The following HERC2 variants were observed in gnomAD, a reference collection of about 807,000 sequenced individuals.
The protein encoded by HERC2 is E3 ubiquitin-protein ligase HERC2.
HERC2 carries 102 observed loss-of-function variants against 537.7 expected under a neutral mutation model. The observed-to-expected ratio is 0.19, with a 90% confidence interval of 0.16 to 0.22. HERC2 has a LOEUF of 0.22. Ranked by LOEUF, HERC2 falls within the 10% of genes least tolerant of loss-of-function variation. The pLI, the probability that HERC2 is intolerant of heterozygous loss-of-function variation, is 1.00. For synonymous variants in HERC2, 2,224 were observed against 2,466.2 expected (o/e 0.90, Z 2.91); for missense variants, 4,236 against 6,198.2 (o/e 0.68, Z 10.63).
In HERC2 at chr15:28,248,588, G is replaced by A; in HGVS notation, c.3199C>T (p.Pro1067Ser). The A allele has an allele frequency of 6.2e-7, 1 of 1,613,902 alleles. No homozygotes were observed. Among genetic ancestry groups the A allele is most frequent in the Non-Finnish European group, 8.5e-7 (1 of 1,179,872 alleles). ...FQRLLISKLY[P>S]GESIGQTSDI... ...GAGGTCTGACCAATACTTTCTCCTG[G>A]ATAAAGTTTACTAATAAGCAAACGT... Residue 1067 changes from proline to serine, a missense_variant, in exon 21 of 93, where the codon CCA becomes TCA. Around this residue, in one of 27 missense-constraint regions of HERC2, gnomAD observed 754 missense variants for 1,085.0 expected, o/e 0.69. Transcript: ENST00000261609.
In HERC2 at chr15:28,280,634, G is replaced by T. The variant is rs373246500; in HGVS notation, c.323-347C>A. On this transcript the variant is annotated intron_variant, in intron 4 of 92. Coordinates refer to ENST00000261609, the MANE Select transcript of HERC2 (RefSeq NM_004667.6). Reference sequence around the variant, plus strand: ...ATACAAAAGAAGTTGGCCGGGCACAGTGGCTCACACCTGGAATCCCAGCAC... The same window carrying T: ...ATACAAAAGAAGTTGGCCGGGCACATTGGCTCACACCTGGAATCCCAGCAC... 7.9e-5 allele frequency among the ~76,000 whole-genome samples: 12 copies of T among 152,310 alleles called. No individual in the cohort carries two copies. The East Asian group carries it at 1.9e-3, about 25-fold the overall frequency.
intron 52 of HERC2, among the ~76,000 whole-genome samples, chr15:28,193,669 G>A (rs938216867): frequency 6.6e-6 from 1 of 152,042 alleles, no homozygotes; most frequent in African/African-American, 2.4e-5. Context: ...ACCTGTGCAA[G>A]ATGAAAACAA....
Position 28,122,473 on chromosome 15 carries a change from C to T in HERC2, c.13189-1044G>A, listed in dbSNP as rs1012672949. Reference sequence around the variant, plus strand: ...GAAGGCAGGAGGTGAGGGCCCCAAGCGCCAGAGGAGACCCAGAAAGGGTAT... The same window carrying T: ...GAAGGCAGGAGGTGAGGGCCCCAAGTGCCAGAGGAGACCCAGAAAGGGTAT... On this transcript the variant is annotated intron_variant, in intron 85 of 92. Coordinates refer to ENST00000261609, the MANE Select transcript of HERC2 (RefSeq NM_004667.6). This position sits in a 1 kb window ranked among gnomAD's most constrained non-coding sequence, Gnocchi z 4.1. Among the ~76,000 whole-genome samples, 5 of 152,158 alleles carry T rather than the reference C, an allele frequency of 3.3e-5. No individual in the cohort carries two copies. The highest frequency in any genetic ancestry group is 9.7e-5 in the African/African-American group (4 of 41,444).
chr15:28,160,624 CT>C (rs1893495175), intron 69 of HERC2, among the ~76,000 whole-genome samples: 1 of 152,222 alleles, frequency 6.6e-6, no homozygotes, highest in South Asian at 2.1e-4. Context: ...TTCCAGGTGC[CT>C]TCTGTCACAG....
Position 28,279,981 on chromosome 15 carries a change from T to C in HERC2, c.542+87A>G, listed in dbSNP as rs950758692. On this transcript the variant is annotated intron_variant, in intron 5 of 92. Transcript: ENST00000261609. The stretch of plus-strand genomic sequence containing the variant: ...AATTTCAGAAGGTGAAGACAGCCTA[T>C]ATTGAAAACCTTAAACTTTCTGAAA... The C allele has an allele frequency of 8.2e-6, 8 of 977,196 alleles. No homozygotes were observed. The African/African-American group carries it at 1.1e-4, about 14-fold the overall frequency. The allele number at this position is 977,196 out of a possible 1,614,324, so 60.5% of individuals were successfully genotyped here. A position where few individuals can be genotyped will look rare whatever the true frequency, so the allele number is the denominator to read the frequency against.
Position 28,116,676 on chromosome 15 carries a change from A to T in HERC2, c.13598T>A (p.Phe4533Tyr). The T allele has an allele frequency of 6.2e-7, 1 of 1,609,100 alleles. No homozygotes were observed. The highest frequency in any genetic ancestry group is 8.5e-7 in the Non-Finnish European group (1 of 1,177,048). The stretch of plus-strand genomic sequence containing the variant: ...GCCGAGAAGCTCACCCAGGAAGCGG[A>T]ACATGCTGCTGTGCACGGGTGCTCT... Reference protein sequence around the residue: ...AARAPVHSSMFRFLGVLLGIA... With the variant: ...AARAPVHSSMYRFLGVLLGIA... The change falls in exon 88 of 93, where the codon TTC (phenylalanine) becomes TAC (tyrosine). Residue 4533 changes from phenylalanine to tyrosine, a missense_variant. Coordinates refer to ENST00000261609, the MANE Select transcript of HERC2 (RefSeq NM_004667.6).
chr15:28,260,166 C>T (rs907577989), intron 16 of HERC2, among the ~76,000 whole-genome samples: 1 of 149,636 alleles, frequency 6.7e-6, no homozygotes, highest in African/African-American at 2.5e-5. Context: ...ATAGTGAAAC[C>T]GTATCTCCAA....
In HERC2 at chr15:28,122,392, T is replaced by C. The variant is rs1889017113; in HGVS notation, c.13189-963A>G. Among the ~76,000 whole-genome samples the C allele has an allele frequency of 1.3e-5, 2 of 151,998 alleles. 1 individual carries two copies. The highest frequency in any genetic ancestry group is 4.1e-4 in the South Asian group (2 of 4,822). On this transcript the variant is annotated intron_variant, in intron 85 of 92. Transcript: ENST00000261609. The surrounding 1 kb of genome is among the most constrained non-coding windows in gnomAD (Gnocchi z 4.1). ...GGGGTGGGCTGTGGGAGCACAAGGG[T>C]CCCTCAGTGGAGGCTGAGCCCTTGC...
intron 55 of HERC2, among the ~76,000 whole-genome samples, chr15:28,189,323 C>A (rs765446524): frequency 9.2e-5 from 14 of 152,064 alleles, no homozygotes; most frequent in Admixed American, 2.6e-4. Flanking sequence ...TTAAAGATAT[C>A]TTTTACGAAT....
rs530420618 is a variant in HERC2, at chr15:28,203,702, G to A, written c.7213-1088C>T. The A allele has an allele frequency of 3.7e-4, 56 of 152,184 alleles. 1 individual carries two copies. Among genetic ancestry groups the A allele is most frequent in the African/African-American group, 1.3e-3 (55 of 41,410 alleles). The allele number at this position is 152,184 out of a possible 1,614,324, so 9.4% of individuals were successfully genotyped here. On this transcript the variant is annotated intron_variant, in intron 45 of 92. Transcript: ENST00000261609. ...CAGGGGCTGGGGTCCCGGCCTGGCA[G>A]AGTAACCAGAATGCGAGGGAAAGCC...
intron 4 of HERC2, among the ~76,000 whole-genome samples, chr15:28,290,300 C>T (rs1387644481): frequency 6.6e-6 from 1 of 152,022 alleles, no homozygotes; most frequent in East Asian, 1.9e-4. Context: ...CAGCAAAACA[C>T]ACTTTTTTTT....
At position 28,292,906 on chromosome 15, in the gene HERC2, C is replaced by T. The variant is rs750404031; in HGVS notation, c.304G>A (p.Val102Ile). The change falls in exon 4 of 93, where the codon GTA (valine) becomes ATA (isoleucine). Residue 102 changes from valine to isoleucine, a missense_variant. Val to Ile is a conservative substitution (Grantham distance 29). Around this residue, in one of 27 missense-constraint regions of HERC2, gnomAD observed 491 missense variants for 559.3 expected, o/e 0.88. Coordinates refer to ENST00000261609, the MANE Select transcript of HERC2 (RefSeq NM_004667.6). ...AGATTACCTGGTTGCTTGCCCCATA[C>T]CCAGCTGTCCAGAATTGACTTGGCC... Reference protein sequence around the residue: ...YRAKSILDSWVWGKQPDVNEL... With the variant: ...YRAKSILDSWIWGKQPDVNEL... 1.2e-5 allele frequency: 20 copies of T among 1,610,490 alleles called. No homozygotes were observed. The highest frequency in any genetic ancestry group is 1.7e-5 in the Admixed American group (1 of 59,698).
rs1338045887 is a variant in HERC2 at position 28,144,582 on chromosome 15, C to T, written c.11140+91G>A. The T allele has an allele frequency of 1.9e-6, 3 of 1,548,156 alleles. No individual in the cohort carries two copies. The Admixed American group carries it at 5.1e-5, about 26-fold the overall frequency. On this transcript the variant is annotated intron_variant, in intron 72 of 92. Coordinates refer to ENST00000261609, the MANE Select transcript of HERC2 (RefSeq NM_004667.6). Reference sequence around the variant, plus strand: ...ACACAGCAGAAGGCAGGCTGTCAGGCACTACGTGGACATGTGCACGTGTCC... The same window carrying T: ...ACACAGCAGAAGGCAGGCTGTCAGGTACTACGTGGACATGTGCACGTGTCC...
chr15:28,267,642 T>C (rs1177837124), intron 12 of HERC2, among the ~76,000 whole-genome samples: 1 of 152,252 alleles, frequency 6.6e-6, no homozygotes, highest in African/African-American at 2.4e-5. Flanking sequence ...TTGGCATACA[T>C]GTACCACACG....
At chr15:28,309,867 T>C (rs1417714753) in intron 2 of HERC2, among the ~76,000 whole-genome samples, 2 of 152,246 alleles carry the variant, frequency 1.3e-5, no homozygotes, top group Non-Finnish European at 2.9e-5. Context: ...TCAGTTTTTG[T>C]AGAAGGAACA....
chr15:28,263,384 T>C (rs925736501), intron 14 of HERC2, among the ~76,000 whole-genome samples: 2 of 152,248 alleles, frequency 1.3e-5, no homozygotes, highest in African/African-American at 4.8e-5. Context: ...GTTTTCTTTT[T>C]GTTTTCATTC....
intron 35 of HERC2, among the ~76,000 whole-genome samples, chr15:28,222,428 T>C (rs1900618139): frequency 6.6e-6 from 1 of 152,014 alleles, no homozygotes; most frequent in African/African-American, 2.4e-5. Flanking sequence ...TAGGAAGATA[T>C]AAAAGATATT....
At chr15:28,206,830 C>G (rs1205885462) in intron 44 of HERC2, among the ~76,000 whole-genome samples, 1 of 46,484 alleles carries the variant, frequency 2.2e-5, no homozygotes, top group Non-Finnish European at 3.9e-5. Context: ...AAGACTCGGT[C>G]TCAAAAAAAA....
chr15:28,194,980 C>T (rs1897211062), intron 52 of HERC2, among the ~76,000 whole-genome samples: 5 of 149,314 alleles, frequency 3.3e-5, no homozygotes, highest in Admixed American at 2.0e-4. Context: ...TGCTTGAGCC[C>T]GGGAGGTGTC....
Sources: gnomAD v4.1 joint callset for allele counts (sites outside exome capture counted in the v4.1 genomes callset) on GRCh38, gnomAD v4.1.1 for gene constraint, gnomAD v4.1.1 regional missense constraint, Gnocchi (gnomAD v3.1) non-coding constraint, MANE v1.5 for transcripts, NCBI Gene and HGNC (gene_info 2026-07-23, HGNC 2026-07-21) for gene names.